The following HS3ST5 variants were observed in gnomAD, a reference collection of about 807,000 sequenced individuals.
HS3ST5 encodes heparan sulfate glucosamine 3-O-sulfotransferase 5.
HS3ST5 carries 10 observed loss-of-function variants against 25.4 expected under a neutral mutation model. That is an observed-to-expected ratio of 0.39 (90% confidence interval 0.24 to 0.67). HS3ST5 has a LOEUF of 0.67. HS3ST5 is among the 30% of genes least tolerant of loss of function. HS3ST5 has a pLI of 0.44. For missense variants in HS3ST5, 324 were observed against 420.7 expected, an observed-to-expected ratio of 0.77 and a Z score of 2.01; for synonymous variants, 170 against 162.4, an observed-to-expected ratio of 1.05 and a Z score of -0.36.
chr6:114,115,346 T>C (rs1276083534), intron 3 of HS3ST5, among the ~76,000 whole-genome samples: 1 of 152,122 alleles, frequency 6.6e-6, no homozygotes, highest in Non-Finnish European at 1.5e-5. Flanking sequence ...GCAGCAAGTA[T>C]GTCTAGCATG....
intron 2 of HS3ST5, among the ~76,000 whole-genome samples, chr6:114,181,540 T>C (rs988312662): frequency 3.3e-5 from 5 of 152,216 alleles, no homozygotes; most frequent in South Asian, 2.1e-4. Context: ...ATCAGAAATA[T>C]AGTCTGACCT....
At chr6:114,312,203 T>A (rs1775562877) in intron 1 of HS3ST5, among the ~76,000 whole-genome samples, 2 of 152,342 alleles carry the variant, frequency 1.3e-5, no homozygotes, top group South Asian at 4.1e-4. Flanking sequence ...AATCTAAGAA[T>A]AATGGAGAAG....
chr6:114,128,107 A>G (rs1777140718), intron 3 of HS3ST5, among the ~76,000 whole-genome samples: 1 of 152,090 alleles, frequency 6.6e-6, no homozygotes, highest in South Asian at 2.1e-4. Flanking sequence ...GCATCTCTTG[A>G]ACAAAGACCT....
intron 2 of HS3ST5, among the ~76,000 whole-genome samples, chr6:114,203,686 G>C (rs1285167223): frequency 6.6e-6 from 1 of 152,044 alleles, no homozygotes; most frequent in East Asian, 1.9e-4. Flanking sequence ...AGCACACAAA[G>C]ACAGTTTAAA....
rs559000457 is a variant in HS3ST5, at chr6:114,136,821, G to GAGTA, written c.-33+31526_-33+31529dup. 2.5e-3 allele frequency among the ~76,000 whole-genome samples: 375 copies of GAGTA among 152,246 alleles called. 3 individuals are homozygous for GAGTA. Among genetic ancestry groups the GAGTA allele is most frequent in the African/African-American group, 8.7e-3 (361 of 41,544 alleles). On this transcript the variant is annotated intron_variant, in intron 3 of 4. Transcript: ENST00000312719. ...TTAAATCATTCTAGACATTTTCATG[G>GAGTA]AGTAAGGCATTGGGACATTTTTCAC...
At chr6:114,105,178 A>G (rs1446888133) in intron 3 of HS3ST5, among the ~76,000 whole-genome samples, 1 of 152,242 alleles carries the variant, frequency 6.6e-6, no homozygotes, top group Non-Finnish European at 1.5e-5. Flanking sequence ...AAAAGAAGGC[A>G]GCAGCTCAAA....
At chr6:114,207,880 A>T (rs1053248889) in intron 2 of HS3ST5, among the ~76,000 whole-genome samples, 1 of 152,164 alleles carries the variant, frequency 6.6e-6, no homozygotes, top group Non-Finnish European at 1.5e-5. Context: ...ACTCTATATC[A>T]TACTATGCTG....
chr6:114,135,794 G>C (rs1231998117), intron 3 of HS3ST5, among the ~76,000 whole-genome samples: 1 of 152,154 alleles, frequency 6.6e-6, no homozygotes, highest in Non-Finnish European at 1.5e-5. Context: ...CTCTTCCCCA[G>C]CCACCCTAAT....
In HS3ST5 at chr6:114,319,904, T is replaced by C. The variant is rs185817343; in HGVS notation, c.-339+22291A>G. ...GCTCTACTATTATCCCAATTGGGCG[T>C]AGAGCCTCATTGCCTCTCTCATCCT... is the stretch of plus-strand genomic sequence containing the variant. On this transcript the variant is annotated intron_variant, in intron 1 of 4. Transcript: ENST00000312719. Among the ~76,000 whole-genome samples the C allele has an allele frequency of 5.3e-5, 8 of 152,214 alleles. No homozygotes were observed. The East Asian group carries it at 5.8e-4, about 11-fold the overall frequency.
chr6:114,227,185 A>G (rs1435589012), intron 2 of HS3ST5, among the ~76,000 whole-genome samples: 1 of 145,010 alleles, frequency 6.9e-6, no homozygotes, highest in African/African-American at 2.5e-5. Context: ...ACTATATTCA[A>G]TTCTCTACAT....
chr6:114,328,493 A>AAAAAAG (rs958023290), intron 1 of HS3ST5, among the ~76,000 whole-genome samples: 1 of 152,136 alleles, frequency 6.6e-6, no homozygotes. Flanking sequence ...TGTTTTCCTA[A>AAAAAAG]AAAAAGAAAA....
intron 3 of HS3ST5, among the ~76,000 whole-genome samples, chr6:114,151,937 AT>A (rs912832896): frequency 3.3e-4 from 50 of 151,710 alleles, no homozygotes; most frequent in African/African-American, 1.2e-3. Flanking sequence ...ATTTTATTTT[AT>A]TTTTTTTAAT....
In HS3ST5 at chr6:114,065,410, C is replaced by T. The variant is rs544209115; in HGVS notation, c.-32-2533G>A. 2.1e-3 allele frequency among the ~76,000 whole-genome samples: 318 copies of T among 152,306 alleles called. 15 individuals are homozygous for T. The South Asian group carries it at 0.064, about 31-fold the overall frequency. Reference sequence around the variant, plus strand: ...CCTTGTTGAAATGCAAATACTGCAGCAAGTTGCAGAACAGGGTGGCAGAAA... The same window carrying T: ...CCTTGTTGAAATGCAAATACTGCAGTAAGTTGCAGAACAGGGTGGCAGAAA... On this transcript the variant is annotated intron_variant, in intron 3 of 4. Coordinates refer to ENST00000312719, the MANE Select transcript of HS3ST5 (RefSeq NM_153612.4).
At chr6:114,313,486 A>G (rs1403565141) in intron 1 of HS3ST5, among the ~76,000 whole-genome samples, 2 of 152,254 alleles carry the variant, frequency 1.3e-5, no homozygotes, top group Admixed American at 6.5e-5. Flanking sequence ...TGTCCATACA[A>G]CTGAATACTA....
chr6:114,235,429 T>C (rs936876031), intron 1 of HS3ST5, among the ~76,000 whole-genome samples: 2 of 150,916 alleles, frequency 1.3e-5, no homozygotes, highest in Non-Finnish European at 2.9e-5. Flanking sequence ...CCCTAGATGA[T>C]CAGCTTTCTG....
intron 3 of HS3ST5, among the ~76,000 whole-genome samples, chr6:114,144,357 A>G (rs1194955781): frequency 2.1e-5 from 3 of 144,574 alleles, no homozygotes; most frequent in African/African-American, 5.2e-5. Flanking sequence ...CCCACCAGTC[A>G]TTGTTCAAAG....
chr6:114,172,480 T>C (rs1408567096), intron 2 of HS3ST5, among the ~76,000 whole-genome samples: 1 of 152,192 alleles, frequency 6.6e-6, no homozygotes, highest in Non-Finnish European at 1.5e-5. Context: ...GTTCAAAGGA[T>C]TGGAACCATT....
chr6:114,333,634 A>G (rs1353752993), intron 1 of HS3ST5, among the ~76,000 whole-genome samples: 1 of 151,948 alleles, frequency 6.6e-6, no homozygotes, highest in Non-Finnish European at 1.5e-5. Context: ...TATTATGGCT[A>G]ATATATATAT....
At chr6:114,254,842 C>T (rs1772832106) in intron 1 of HS3ST5, among the ~76,000 whole-genome samples, 1 of 152,138 alleles carries the variant, frequency 6.6e-6, no homozygotes, top group African/African-American at 2.4e-5. Flanking sequence ...CCCACTGGAT[C>T]CCTCCCACAA....
Sources: gnomAD v4.1 joint callset for allele counts (sites outside exome capture counted in the v4.1 genomes callset) on GRCh38, gnomAD v4.1.1 for gene constraint, MANE v1.5 for transcripts, NCBI Gene and HGNC (gene_info 2026-07-23, HGNC 2026-07-21) for gene names.